Variants in ALPK2 observed in about 807,000 individuals in gnomAD.
ALPK2 encodes alpha-protein kinase 2.
A neutral mutation model predicts 163.1 loss-of-function variants in ALPK2; 127 were observed. That is an observed-to-expected ratio of 0.78 (90% CI 0.67 to 0.90). The LOEUF (loss-of-function observed/expected upper bound fraction) is 0.90. Ranked by LOEUF, ALPK2 falls within the 40% of genes least tolerant of loss-of-function variation. The pLI is 0.00. For synonymous variants in ALPK2, 953 were observed against 959.1 expected, an observed-to-expected ratio of 0.99 and a Z score of 0.12; for missense variants, 2,360 against 2,589.6, an observed-to-expected ratio of 0.91 and a Z score of 1.92.
chr18:58,528,979 G>A, intron 6 of ALPK2, 112 bp downstream of exon 6: 1 of 1,312,000 alleles, frequency 7.6e-7, no homozygotes, highest in South Asian at 1.3e-5. Flanking sequence ...TGGAATCTCT[G>A]CTTCAATTTT....
At position 58,534,962 on chromosome 18, in the gene ALPK2, A is replaced by C. The variant is rs777602157; in HGVS notation, c.5225T>G (p.Leu1742Arg). 2 of 1,613,986 alleles carry C rather than the reference A, an allele frequency of 1.2e-6. No homozygotes were observed. Among genetic ancestry groups the C allele is most frequent in the South Asian group, 1.1e-5 (1 of 91,076 alleles). Residue 1742 changes from leucine to arginine, a missense_variant, in exon 5 of 13, where the codon CTG (leucine) becomes CGG (arginine). By Grantham distance (102) the Leu-to-Arg change is moderately radical. Transcript: ENST00000361673. Reference sequence around the variant, plus strand: ...CTTTCTGATATTTTCCTTTTCTTCCAGTTTCAGCCTCAGTGCTGCCACCCT... The same window carrying C: ...CTTTCTGATATTTTCCTTTTCTTCCCGTTTCAGCCTCAGTGCTGCCACCCT... ...LSRVAALRLK[L>R]EEKENIRKNS...
intron 11 of ALPK2, among the ~76,000 whole-genome samples, chr18:58,501,040 A>T (rs2051429079): frequency 6.6e-6 from 1 of 152,262 alleles, no homozygotes; most frequent in Admixed American, 6.5e-5. Context: ...CTGTAAAATT[A>T]TAAAAAGTGG....
rs9956630 is a variant in ALPK2 at position 58,580,335 on chromosome 18, A to G, written c.441T>C (p.Tyr147=). 797,082 of 1,613,848 alleles carry G rather than the reference A, an allele frequency of 0.49. 198,884 individuals are homozygous for G. The highest frequency in any genetic ancestry group is 0.58 in the East Asian group (26,164 of 44,862). ...CCGGGGAGATGCTTTCTTCTTCCTT[A>G]TAAGGATGTTCCTTCTCATCAATCT... ...ANQIDEKEHP[Y]KEEESISPGT... is the part of the protein sequence containing the mutation. Residue 147 remains tyrosine, a synonymous_variant, in exon 4 of 13, where the codon TAT becomes TAC. Transcript: ENST00000361673.
intron 1 of ALPK2, among the ~76,000 whole-genome samples, chr18:58,628,464 A>G (rs2052242973): frequency 1.3e-5 from 2 of 152,218 alleles, no homozygotes; most frequent in Admixed American, 6.5e-5. Flanking sequence ...TCTAACTGTT[A>G]AGATAGACAT....
At chr18:58,561,346 C>G (rs1031215685) in intron 4 of ALPK2, among the ~76,000 whole-genome samples, 4 of 152,158 alleles carry the variant, frequency 2.6e-5, no homozygotes, top group African/African-American at 9.7e-5. Context: ...CACATTGGAA[C>G]ACTGGGCCTT....
intron 5 of ALPK2, among the ~76,000 whole-genome samples, chr18:58,530,828 G>A (rs1292172220): frequency 6.6e-6 from 1 of 152,122 alleles, no homozygotes; most frequent in Non-Finnish European, 1.5e-5. Context: ...TGTGCAGGTT[G>A]GGCTAGTGTT....
intron 11 of ALPK2, among the ~76,000 whole-genome samples, chr18:58,500,556 C>G (rs1353575562): frequency 1.3e-5 from 2 of 152,166 alleles, no homozygotes; most frequent in Non-Finnish European, 2.9e-5. Flanking sequence ...GTGCAGCTAT[C>G]AAGCTGAGTT....
At chr18:58,527,205 G>T (rs1169096028) in intron 6 of ALPK2, among the ~76,000 whole-genome samples, 1 of 152,196 alleles carries the variant, frequency 6.6e-6, no homozygotes, top group Non-Finnish European at 1.5e-5. Flanking sequence ...ATACAAGACA[G>T]TGACATATTT....
intron 10 of ALPK2, among the ~76,000 whole-genome samples, chr18:58,511,167 T>C (rs995125784): frequency 2.4e-4 from 36 of 152,238 alleles, no homozygotes; most frequent in Non-Finnish European, 4.0e-4. Context: ...TTGTTGGTTC[T>C]GTTTATATGC....
chr18:58,510,447 C>T (rs36172545), intron 10 of ALPK2, among the ~76,000 whole-genome samples: 6,810 of 152,168 alleles, frequency 0.045, 207 homozygotes, highest in Non-Finnish European at 0.061. Context: ...TTGATGAGGA[C>T]GGCATTGAAT....
rs146815513 is a variant in ALPK2, at chr18:58,552,455, C to T, written c.1963-14231G>A. Among the ~76,000 whole-genome samples the T allele has an allele frequency of 3.5e-3, 529 of 152,260 alleles. 2 individuals are homozygous for T. The highest frequency in any genetic ancestry group is 0.012 in the African/African-American group (502 of 41,542). ...AAATGACTATATGTAAAGGCTAGCA[C>T]AGAGACAGAAATAACTTGCTACAGT... On this transcript the variant is annotated intron_variant, in intron 4 of 12. Coordinates refer to ENST00000361673, the MANE Select transcript of ALPK2 (RefSeq NM_052947.4).
rs2051944926 is a variant in ALPK2 at position 58,579,637 on chromosome 18, C to A, written c.1139G>T (p.Gly380Val). ...CLGGCEHFLS[G>V]MGCGSRVSGD... The stretch of plus-strand genomic sequence containing the variant: ...CGACACCCGAGACCCACAACCCATT[C>A]CACTGAGGAAATGCTCACACCCACC... Residue 380 changes from glycine to valine, a missense_variant, in exon 4 of 13, where the codon GGA becomes GTA. Coordinates refer to ENST00000361673, the MANE Select transcript of ALPK2 (RefSeq NM_052947.4). 1.9e-6 allele frequency: 3 copies of A among 1,614,084 alleles called. No homozygotes were observed. The highest frequency in any genetic ancestry group is 2.5e-6 in the Non-Finnish European group (3 of 1,180,024).
chr18:58,581,750 C>G (rs2144201229), intron 3 of ALPK2, among the ~76,000 whole-genome samples: 1 of 152,338 alleles, frequency 6.6e-6, no homozygotes, highest in South Asian at 2.1e-4. Context: ...AAGTATCAGC[C>G]AGCCCAGAAG....
In ALPK2 at chr18:58,564,123, C is replaced by CTTTTTTTTTTTTTTTTTTTTTT. The variant is rs10689097; in HGVS notation, c.1962+14690_1962+14691insAAAAAAAAAAAAAAAAAAAAAA. Among the ~76,000 whole-genome samples, 24 of 102,444 alleles carry CTTTTTTTTTTTTTTTTTTTTTT rather than the reference C, an allele frequency of 2.3e-4. 3 individuals carry two copies. Among genetic ancestry groups the CTTTTTTTTTTTTTTTTTTTTTT allele is most frequent in the African/African-American group, 7.0e-4 (17 of 24,190 alleles). The allele number at this position is 102,444 out of a possible 152,430, so 67.2% of individuals were successfully genotyped here. A position where few individuals can be genotyped will look rare whatever the true frequency, so the allele number is the denominator to read the frequency against. ...GAATTGCGTATTTGATGTCTTTGTT[C>CTTTTTTTTTTTTTTTTTTTTTT]TTTTTTTTTTTTTTTTGAGATGGAG... On this transcript the variant is annotated intron_variant, in intron 4 of 12. Transcript: ENST00000361673.
intron 11 of ALPK2, among the ~76,000 whole-genome samples, chr18:58,499,794 C>T (rs1344993800): frequency 6.6e-6 from 1 of 152,230 alleles, no homozygotes; most frequent in African/African-American, 2.4e-5. Context: ...CGTGACTTGC[C>T]CATGGAGGGC....
At chr18:58,546,094 G>A (rs1194203701) in intron 4 of ALPK2, among the ~76,000 whole-genome samples, 1 of 152,160 alleles carries the variant, frequency 6.6e-6, no homozygotes, top group Non-Finnish European at 1.5e-5. Flanking sequence ...CCAGAAAGAA[G>A]CTTCTCTTGA....
intron 3 of ALPK2, among the ~76,000 whole-genome samples, chr18:58,603,411 C>T (rs891055365): frequency 6.6e-6 from 1 of 152,226 alleles, no homozygotes; most frequent in Non-Finnish European, 1.5e-5. Flanking sequence ...CTGCCCGGTG[C>T]TCTATGGACC....
chr18:58,536,224 G>A lies in ALPK2; in HGVS notation c.3963C>T (p.Ile1321=). The change falls in exon 5 of 13, where the codon ATC becomes ATT. Residue 1321 remains isoleucine, a synonymous_variant. Coordinates refer to ENST00000361673, the MANE Select transcript of ALPK2 (RefSeq NM_052947.4). ...AAGAAAGACTTCTCCAATGTACACT[G>A]ATGGTGGGCTCTTCGCCTTTATGGC... ...RESHKGEEPT[I]SVHWRSLSSR... The A allele has an allele frequency of 6.2e-7, 1 of 1,614,152 alleles. No individual in the cohort carries two copies. Among genetic ancestry groups the A allele is most frequent in the Non-Finnish European group, 8.5e-7 (1 of 1,180,026 alleles).
Position 58,579,824 on chromosome 18 carries a change from A to T in ALPK2, c.952T>A (p.Tyr318Asn), listed in dbSNP as rs764352947. 2.5e-6 allele frequency: 4 copies of T among 1,614,060 alleles called. No individual in the cohort carries two copies. The East Asian group carries it at 8.9e-5, about 36-fold the overall frequency. The change falls in exon 4 of 13, where the codon TAC becomes AAC. Residue 318 changes from tyrosine to asparagine, a missense_variant. By Grantham distance (143) the Tyr-to-Asn change is moderately radical (BLOSUM62 -2). Transcript: ENST00000361673. ...YELCPEITLTYTEEFSDDDLE... is the reference protein window; with the variant it reads ...YELCPEITLTNTEEFSDDDLE... Reference sequence around the variant, plus strand: ...TCATCATCTGAAAACTCCTCGGTGTAGGTTAGGGTTATCTCTGGGCAAAGT... The same window carrying T: ...TCATCATCTGAAAACTCCTCGGTGTTGGTTAGGGTTATCTCTGGGCAAAGT...
Sources: gnomAD v4.1 joint callset for allele counts (sites outside exome capture counted in the v4.1 genomes callset) on GRCh38, gnomAD v4.1.1 for gene constraint, MANE v1.5 for transcripts, NCBI Gene and HGNC (gene_info 2026-07-23, HGNC 2026-07-21) for gene names.